The following C9orf85 variants were observed in gnomAD, a reference collection of about 807,000 sequenced individuals.
C9orf85 encodes the protein chromosome 9 open reading frame 85.
Under a neutral mutation model 14.9 loss-of-function variants are expected in C9orf85, and 16 were observed. The observed-to-expected ratio is 1.08, with a 90% CI of 0.73 to 1.63. The LOEUF (loss-of-function observed/expected upper bound fraction) is 1.63. Among genes scored for constraint, C9orf85 ranks in the 40% most tolerant of loss-of-function variants. The probability of loss-of-function intolerance (pLI) is 0.00; values close to 1 mark genes in which losing one functional copy is unlikely to be tolerated. For missense variants in C9orf85, 172 were observed against 186.1 expected, an observed-to-expected ratio of 0.92 and a Z score of 0.44; for synonymous variants, 45 against 56.8, an observed-to-expected ratio of 0.79 and a Z score of 0.93.
intron 1 of C9orf85, among the ~76,000 whole-genome samples, chr9:71,928,237 C>G (rs1827978559): frequency 6.8e-6 from 1 of 147,500 alleles, no homozygotes; most frequent in African/African-American, 2.5e-5. Context: ...ATGTGAATAT[C>G]TGCACGAGCT....
chr9:71,931,099 C>G (rs1196234760), intron 1 of C9orf85, among the ~76,000 whole-genome samples: 1 of 152,188 alleles, frequency 6.6e-6, no homozygotes, highest in Non-Finnish European at 1.5e-5. Context: ...ATCCAGAAAA[C>G]AGCTGATTTC....
downstream of C9orf85, among the ~76,000 whole-genome samples, chr9:71,976,639 G>C (rs538717666): frequency 6.7e-6 from 1 of 148,820 alleles, no homozygotes; most frequent in South Asian, 2.1e-4. Flanking sequence ...TCCAGCCTGG[G>C]ACACAGAGCG....
downstream of C9orf85, chr9:71,984,296 A>C (rs1823162576): frequency 6.6e-6 from 1 of 152,110 alleles, no homozygotes; most frequent in African/African-American, 2.4e-5. Context: ...TCTGCAGAAA[A>C]CAGTTTTTTA....
At chr9:71,964,019 TGGA>T (rs1303736601) in intron 2 of C9orf85, among the ~76,000 whole-genome samples, 1 of 152,134 alleles carries the variant, frequency 6.6e-6, no homozygotes, top group Non-Finnish European at 1.5e-5. Flanking sequence ...GGTGGGGACG[TGGA>T]GAACCTTTAT....
At chr9:71,977,192 T>C (rs988286192), downstream of C9orf85, among the ~76,000 whole-genome samples, 2 of 143,038 alleles carry the variant, frequency 1.4e-5, no homozygotes, top group African/African-American at 5.3e-5. Flanking sequence ...AAAAAAAAGT[T>C]TTTAAATAAA....
chr9:71,914,599 A>T (rs1408323), intron 1 of C9orf85, among the ~76,000 whole-genome samples: 144,646 of 152,286 alleles, frequency 0.95, 69,165 homozygotes, highest in East Asian at 1. Context: ...ATTGGAAGTT[A>T]ATATAGGTAA....
intron 1 of C9orf85, among the ~76,000 whole-genome samples, chr9:71,933,638 G>C (rs35606097): frequency 6.6e-6 from 1 of 152,042 alleles, no homozygotes; most frequent in Non-Finnish European, 1.5e-5. Flanking sequence ...CATGGCCAAG[G>C]AAGTTATATT....
At chr9:71,947,949 ACT>A (rs1169686274) in intron 2 of C9orf85, among the ~76,000 whole-genome samples, 1 of 151,900 alleles carries the variant, frequency 6.6e-6, no homozygotes. Context: ...CCCAGACTTA[ACT>A]CTTGTGTAAT....
At chr9:71,936,001 A>G (rs1390067864) in intron 1 of C9orf85, among the ~76,000 whole-genome samples, 1 of 151,952 alleles carries the variant, frequency 6.6e-6, no homozygotes, top group Non-Finnish European at 1.5e-5. Context: ...TCAGTAATAC[A>G]GATTATATAA....
intron 1 of C9orf85, among the ~76,000 whole-genome samples, chr9:71,930,396 G>A (rs557482399): frequency 7.2e-5 from 11 of 152,168 alleles, no homozygotes; most frequent in African/African-American, 2.6e-4. Context: ...TAATGTTCCA[G>A]GTTCTCTATT....
chr9:71,970,388 C>T (rs1247412827), intron 2 of C9orf85, among the ~76,000 whole-genome samples: 4 of 152,160 alleles, frequency 2.6e-5, no homozygotes, highest in Admixed American at 6.5e-5. Flanking sequence ...TGGCTGATAA[C>T]GTTCATACAG....
chr9:71,951,157 T>C (rs887371095), intron 2 of C9orf85, among the ~76,000 whole-genome samples: 2 of 152,222 alleles, frequency 1.3e-5, no homozygotes, highest in Non-Finnish European at 2.9e-5. Context: ...ACATGTTCTT[T>C]ATGGAATTTT....
downstream of C9orf85, chr9:71,985,401 T>A (rs1349924454): frequency 6.6e-6 from 1 of 152,240 alleles, no homozygotes. Flanking sequence ...GATCGGTGGT[T>A]CTTATCATGT....
chr9:71,967,724 T>C (rs1325569067), intron 2 of C9orf85, among the ~76,000 whole-genome samples: 2 of 146,592 alleles, frequency 1.4e-5, no homozygotes, highest in East Asian at 3.9e-4. Flanking sequence ...TTTTTTTTTT[T>C]TTTTTTTTTT....
downstream of C9orf85, among the ~76,000 whole-genome samples, chr9:71,975,768 G>A (rs1050991610): frequency 6.6e-6 from 1 of 152,206 alleles, no homozygotes; most frequent in Non-Finnish European, 1.5e-5. Context: ...AGAGGCAGAG[G>A]TTGTGGTGAG....
chr9:71,911,928 G>C, intron 1 of C9orf85, 92 bp downstream of exon 1: 1 of 1,121,952 alleles, frequency 8.9e-7, no homozygotes. Context: ...CGGCTGGGGC[G>C]AGTGTGGACC....
At chr9:71,941,106 T>C (rs1821916438) in intron 1 of C9orf85, among the ~76,000 whole-genome samples, 1 of 152,206 alleles carries the variant, frequency 6.6e-6, no homozygotes, top group African/African-American at 2.4e-5. Flanking sequence ...AATTTTTTGA[T>C]ATGTATGTAC....
At position 71,980,350 on chromosome 9, in the gene C9orf85, C is replaced by A. The variant is rs113959350; in HGVS notation, c.324-2307C>A. ...TTTAATCTGTAAGAGTTATTTATTT[C>A]TTTTGCCATTATGAAGAAAAATCAT... On this transcript the variant is annotated intron_variant, in intron 3 of 3. Transcript: ENST00000377031. 1.5e-3 allele frequency among the ~76,000 whole-genome samples: 232 copies of A among 152,080 alleles called. 1 individual carries two copies. The highest frequency in any genetic ancestry group is 0.01 in the Middle Eastern group (3 of 294).
intron 2 of C9orf85, among the ~76,000 whole-genome samples, chr9:71,957,079 G>T (rs1822399126): frequency 6.6e-6 from 1 of 151,942 alleles, no homozygotes; most frequent in Non-Finnish European, 1.5e-5. Flanking sequence ...CTCCCAAAGT[G>T]CTGGGATTAC....
Sources: allele counts gnomAD v4.1 joint callset (sites outside exome capture counted in the v4.1 genomes callset), GRCh38; gene constraint gnomAD v4.1.1; transcripts MANE v1.5; gene names NCBI Gene and HGNC (gene_info 2026-07-23, HGNC 2026-07-21).